The following UTRN variants were observed in gnomAD, a reference collection of about 807,000 sequenced individuals.
The protein encoded by UTRN is utrophin.
Under a neutral mutation model 463.9 loss-of-function variants are expected in UTRN, and 283 were observed. The observed-to-expected ratio is 0.61, with a 90% CI of 0.55 to 0.67. The LOEUF is 0.67. UTRN is among the 30% of genes least tolerant of loss of function. The pLI, the probability that UTRN is intolerant of heterozygous loss-of-function variation, is 0.00. For missense variants in UTRN, 3,922 were observed against 4,084.3 expected (o/e 0.96, Z 1.08); for synonymous variants, 1,442 against 1,431.5 (o/e 1.01, Z -0.17).
chr6:144,530,838 G>T lies in UTRN; in HGVS notation c.5907-214G>T, dbSNP rs116601583. Among the ~76,000 whole-genome samples, 550 of 152,148 alleles carry T rather than the reference G, an allele frequency of 3.6e-3. 2 individuals are homozygous for T. Among genetic ancestry groups the T allele is most frequent in the African/African-American group, 0.013 (534 of 41,512 alleles). On this transcript the variant is annotated intron_variant, in intron 41 of 74. Transcript: ENST00000367545. ...GATTTGGTAGCTGGTGGTGTGAGCA[G>T]ATTGCTTTGCCCTTGTTATGATGCA...
intron 71 of UTRN, 88 bp downstream of exon 71, chr6:144,836,629 G>A: frequency 6.5e-7 from 1 of 1,536,772 alleles, no homozygotes; most frequent in South Asian, 1.2e-5. Context: ...AGGAGAGGCA[G>A]AGAAGTCCAC....
At chr6:144,745,483 T>C (rs1304967337) in intron 54 of UTRN, among the ~76,000 whole-genome samples, 2 of 152,174 alleles carry the variant, frequency 1.3e-5, no homozygotes, top group Admixed American at 6.6e-5. Flanking sequence ...GAAACTCTTA[T>C]TTTGACTCAA....
intron 2 of UTRN, among the ~76,000 whole-genome samples, chr6:144,390,060 C>T (rs762601961): frequency 6.6e-6 from 1 of 152,160 alleles, no homozygotes; most frequent in African/African-American, 2.4e-5. Flanking sequence ...TTGGTGTATA[C>T]TTGAAAATAG....
chr6:144,429,490 A>G, intron 8 of UTRN, 91 bp from the exon 9 acceptor site: 7 of 1,205,580 alleles, frequency 5.8e-6, no homozygotes, highest in Non-Finnish European at 7.0e-6. Flanking sequence ...GTTTATGGGT[A>G]CTAAGGAGAG....
Position 144,516,800 on chromosome 6 carries a change from T to G in UTRN, c.5404-11T>G. 6.9e-7 allele frequency: 1 copy of G among 1,442,736 alleles called. No individual in the cohort carries two copies. The highest frequency in any genetic ancestry group is 9.1e-7 in the Non-Finnish European group (1 of 1,099,832). 89.4% of individuals were successfully genotyped at this position (1,442,736 alleles called of 1,614,324 possible). ...TTTTGAGTCATTTTTTTTTTCCTTT[T>G]AAAAATTTAGATGGATGAGGAGAGT... On this transcript the variant is annotated splice_polypyrimidine_tract_variant and intron_variant, in intron 38 of 74. Coordinates refer to ENST00000367545, the MANE Select transcript of UTRN (RefSeq NM_007124.3).
At chr6:144,582,068 C>T (rs937176257) in intron 51 of UTRN, among the ~76,000 whole-genome samples, 4 of 152,144 alleles carry the variant, frequency 2.6e-5, no homozygotes, top group Admixed American at 6.5e-5. Context: ...CAGAACACTG[C>T]CTGATGAACA....
At chr6:144,445,078 G>A (rs1787526697) in intron 14 of UTRN, among the ~76,000 whole-genome samples, 1 of 152,066 alleles carries the variant, frequency 6.6e-6, no homozygotes, top group South Asian at 2.1e-4. Flanking sequence ...TGGCCGGGCA[G>A]GGTGGCTCAC....
intron 66 of UTRN, among the ~76,000 whole-genome samples, chr6:144,823,617 C>G (rs1157267261): frequency 4.6e-5 from 7 of 151,998 alleles, no homozygotes; most frequent in Non-Finnish European, 8.8e-5. Context: ...TGAGTTATTA[C>G]TAAAAGGGAG....
At chr6:144,371,911 C>T (rs556479421) in intron 2 of UTRN, among the ~76,000 whole-genome samples, 2 of 152,230 alleles carry the variant, frequency 1.3e-5, no homozygotes, top group Non-Finnish European at 2.9e-5. Context: ...AAAACACCCA[C>T]TGTGACTATT....
rs1020058349 is a variant in UTRN, at chr6:144,533,024, T to G, written c.6058-61T>G. The stretch of plus-strand genomic sequence containing the variant: ...TTGATACCACAATACTTGGGTGGAT[T>G]CATTGCATCAGAATCATTTACTTAT... On this transcript the variant is annotated intron_variant, in intron 42 of 74. Coordinates refer to ENST00000367545, the MANE Select transcript of UTRN (RefSeq NM_007124.3). The G allele has an allele frequency of 3.6e-5, 32 of 877,548 alleles. No homozygotes were observed. The African/African-American group carries it at 5.2e-4, about 14-fold the overall frequency. The allele number at this position is 877,548 out of a possible 1,614,324, so 54.4% of individuals were successfully genotyped here. A position where few individuals can be genotyped will look rare whatever the true frequency, so the allele number is the denominator to read the frequency against.
At chr6:144,514,407 G>A (rs1795436667) in intron 36 of UTRN, among the ~76,000 whole-genome samples, 1 of 152,082 alleles carries the variant, frequency 6.6e-6, no homozygotes, top group Non-Finnish European at 1.5e-5. Context: ...ACTCTCCAAT[G>A]AGTCTTACAT....
At position 144,429,654 on chromosome 6, in the gene UTRN, G is replaced by T; in HGVS notation, c.768G>T (p.Gln256His). The T allele has an allele frequency of 6.2e-7, 1 of 1,612,902 alleles. No homozygotes were observed. The highest frequency in any genetic ancestry group is 8.5e-7 in the Non-Finnish European group (1 of 1,179,392). ...YLTSLFEVLPQQVTIDAIREV... is the reference protein window; with the variant it reads ...YLTSLFEVLPHQVTIDAIREV... Reference sequence around the variant, plus strand: ...CATCTTTGTTTGAGGTGCTACCTCAGCAAGTCACCATAGACGCCATCCGTG... The same window carrying T: ...CATCTTTGTTTGAGGTGCTACCTCATCAAGTCACCATAGACGCCATCCGTG... The change falls in exon 9 of 75, where the codon CAG (glutamine) becomes CAT (histidine). Residue 256 changes from glutamine to histidine, a missense_variant. By Grantham distance (24) the Gln-to-His change is conservative. Transcript: ENST00000367545.
At position 144,429,608 on chromosome 6, in the gene UTRN, A is replaced by T; in HGVS notation, c.722A>T (p.Lys241Ile). 1 of 1,604,710 alleles carries T rather than the reference A, an allele frequency of 6.2e-7. No individual in the cohort carries two copies. The change falls in exon 9 of 75, where the codon AAA (lysine) becomes ATA (isoleucine). Residue 241 changes from lysine to isoleucine, a missense_variant. Lys to Ile is a moderately radical substitution (Grantham distance 102, BLOSUM62 -3). Around this residue, in one of 3 missense-constraint regions of UTRN, gnomAD observed 264 missense variants for 327.9 expected, o/e 0.81. Coordinates refer to ENST00000367545, the MANE Select transcript of UTRN (RefSeq NM_007124.3). ...GTTGCCGTTCAGCTTCCTGACAAGA[A>T]ATCCATAATTATGTATTTAACATCT... The part of the protein sequence containing the change: ...EDVAVQLPDK[K>I]SIIMYLTSLF...
rs567170674 is a variant in UTRN, at chr6:144,672,531, T to C, written c.7480-5875T>C. On this transcript the variant is annotated intron_variant, in intron 51 of 74. Transcript: ENST00000367545. ...GTAGTATCACCCATTTCATTTCTAA[T>C]TGAGCTCATTTATATCCTCTCTCTT... Among the ~76,000 whole-genome samples the C allele has an allele frequency of 3.5e-4, 54 of 152,234 alleles. 2 individuals carry two copies. In the South Asian group the frequency reaches 9.7e-3, roughly 27 times the overall value.
At chr6:144,642,337 C>T (rs1777856922) in intron 51 of UTRN, among the ~76,000 whole-genome samples, 1 of 152,092 alleles carries the variant, frequency 6.6e-6, no homozygotes. Context: ...CAAGCCATTT[C>T]TTTTTCATTT....
chr6:144,499,883 G>A (rs1256750661), intron 34 of UTRN, among the ~76,000 whole-genome samples: 1 of 152,108 alleles, frequency 6.6e-6, no homozygotes, highest in Non-Finnish European at 1.5e-5. Context: ...TCCCATTCCT[G>A]CATTAATTCA....
chr6:144,673,787 C>T (rs527625889), intron 51 of UTRN, among the ~76,000 whole-genome samples: 2 of 152,106 alleles, frequency 1.3e-5, no homozygotes, highest in East Asian at 3.9e-4. Context: ...TATTTCAAGT[C>T]GTTTTTCAAG....
intron 41 of UTRN, among the ~76,000 whole-genome samples, chr6:144,529,052 A>G (rs1014326776): frequency 4.6e-5 from 7 of 152,164 alleles, no homozygotes; most frequent in Non-Finnish European, 8.8e-5. Flanking sequence ...CCTCTGCTGC[A>G]TCACACAGGT....
chr6:144,524,623 T>C (rs912548668), intron 41 of UTRN, among the ~76,000 whole-genome samples: 1 of 152,204 alleles, frequency 6.6e-6, no homozygotes, highest in African/African-American at 2.4e-5. Flanking sequence ...TATATGATCA[T>C]GTTACCAGCA....
Sources: allele counts gnomAD v4.1 joint callset (sites outside exome capture counted in the v4.1 genomes callset), GRCh38; gene constraint gnomAD v4.1.1; regional missense constraint gnomAD v4.1.1; transcripts MANE v1.5; gene names NCBI Gene and HGNC (gene_info 2026-07-23, HGNC 2026-07-21).